The following DHX38 variants were observed in gnomAD, a reference collection of about 807,000 sequenced individuals.
The protein encoded by DHX38 is DEAH-box helicase 38, also known as pre-mRNA-splicing factor ATP-dependent RNA helicase PRP16.
Under a neutral mutation model 153.1 loss-of-function variants are expected in DHX38, and 100 were observed. That is an observed-to-expected ratio of 0.65 (90% CI 0.56 to 0.77). The LOEUF (loss-of-function observed/expected upper bound fraction) is 0.77, where lower values mean the gene tolerates loss of function less well. DHX38 is among the 30% of genes least tolerant of loss of function. DHX38 has a pLI of 0.00. For synonymous variants in DHX38, 650 were observed against 631.7 expected (o/e 1.03, Z -0.43); for missense variants, 1,440 against 1,654.0 (o/e 0.87, Z 2.24).
chr16:72,097,712 G>A lies in DHX38; in HGVS notation c.547G>A (p.Glu183Lys). Residue 183 changes from glutamate (E) to lysine (K), a missense_variant, in exon 4 of 27, where the codon GAG becomes AAG. This residue lies in a region of DHX38 where 483 missense variants were observed against 465.1 expected (regional missense o/e 1.04). Coordinates refer to ENST00000268482, the MANE Select transcript of DHX38 (RefSeq NM_014003.4). ...RDRSRHSSRSERDGGSERSSR... is the reference protein window; with the variant it reads ...RDRSRHSSRSKRDGGSERSSR... ...TAGAAGTAGGCACAGCAGCAGATCA[G>A]AGCGAGATGGAGGGTCAGAGCGTAG... The A allele has an allele frequency of 6.2e-7, 1 of 1,614,178 alleles. No homozygotes were observed. Among genetic ancestry groups the A allele is most frequent in the Middle Eastern group, 1.6e-4 (1 of 6,062 alleles).
chr16:72,101,826 C>T (rs1443487558), intron 11 of DHX38, among the ~76,000 whole-genome samples: 1 of 152,154 alleles, frequency 6.6e-6, no homozygotes, highest in Non-Finnish European at 1.5e-5. Context: ...ACACTGCTTC[C>T]TCTGGTGCTG....
chr16:72,096,020 C>A, intron 1 of DHX38, 119 bp from the exon 2 acceptor site: 1 of 1,057,308 alleles, frequency 9.5e-7, no homozygotes, highest in Non-Finnish European at 1.3e-6. Flanking sequence ...CAAAAGTAGT[C>A]CTGGTCTTAA....
At chr16:72,099,152 C>T (rs1241238139) in intron 6 of DHX38, 52 bp from the exon 7 acceptor site, 1 of 1,593,654 alleles carries the variant, frequency 6.3e-7, no homozygotes, top group African/African-American at 1.3e-5. Context: ...CTGTCTGGGG[C>T]CGCTGGGGAC....
rs1332831839 is a variant in DHX38 at position 72,107,868 on chromosome 16, C to T, written c.2964+69C>T. 1.3e-6 allele frequency: 2 copies of T among 1,558,800 alleles called. No homozygotes were observed. The highest frequency in any genetic ancestry group is 1.4e-5 in the African/African-American group (1 of 73,724). On this transcript the variant is annotated intron_variant, in intron 21 of 26. Transcript: ENST00000268482. The surrounding 1 kb of genome is among the most constrained non-coding windows in gnomAD (Gnocchi z 5.3). ...AGTGTTGGGGAGGGGAATGGCTTCTCTCTGTATTACTGAAATGGAACAGAG... is the reference window on the plus strand; with the variant it reads ...AGTGTTGGGGAGGGGAATGGCTTCTTTCTGTATTACTGAAATGGAACAGAG...
At chr16:72,100,676 A>C (rs2144144266) in intron 9 of DHX38, 79 bp downstream of exon 9, 2 of 1,560,894 alleles carry the variant, frequency 1.3e-6, no homozygotes, top group East Asian at 4.5e-5. Flanking sequence ...CATGCCTGTC[A>C]TCCCGGCACT....
rs1597440738 is a variant in DHX38, at chr16:72,099,729, C to T, written c.961-3C>T. ...CTCCCTTGCTTTGCCTCCTGCCCTGCAGCAAGCCGATCGGGATTGGTACAT... is the reference window on the plus strand; with the variant it reads ...CTCCCTTGCTTTGCCTCCTGCCCTGTAGCAAGCCGATCGGGATTGGTACAT... On this transcript the variant is annotated splice_polypyrimidine_tract_variant and splice_region_variant and intron_variant, in intron 7 of 26. Coordinates refer to ENST00000268482, the MANE Select transcript of DHX38 (RefSeq NM_014003.4). The T allele has an allele frequency of 1.2e-6, 2 of 1,614,022 alleles. No homozygotes were observed. The highest frequency in any genetic ancestry group is 4.5e-5 in the East Asian group (2 of 44,874).
chr16:72,102,457 C>T (rs544637258), intron 11 of DHX38, among the ~76,000 whole-genome samples: 5 of 151,858 alleles, frequency 3.3e-5, no homozygotes, highest in South Asian at 2.1e-4. Context: ...GTCTTTTTGC[C>T]AGGCAGCCTT....
In DHX38 at chr16:72,104,904, TGTG is replaced by T. The variant is rs759813614; in HGVS notation, c.2152-118_2152-116del. The T allele has an allele frequency of 6.2e-5, 60 of 970,660 alleles. 2 individuals carry two copies. The highest frequency in any genetic ancestry group is 4.0e-4 in the Admixed American group (16 of 40,190). 60.1% of individuals were successfully genotyped at this position (970,660 alleles called of 1,614,324 possible). ...CCTCGCAGTCAGGCCCATGTGGAGG[TGTG>T]GTGGCCCTCAAAGTCCATGGCTCCA... On this transcript the variant is annotated intron_variant, in intron 15 of 26. Coordinates refer to ENST00000268482, the MANE Select transcript of DHX38 (RefSeq NM_014003.4). This position sits in a 1 kb window ranked among gnomAD's most constrained non-coding sequence, Gnocchi z 4.5.
chr16:72,098,733 G>C lies in DHX38; in HGVS notation c.705G>C (p.Pro235=), dbSNP rs751675291. ...GCTCACAGTGGGAATCGCCCTCCCC[G>C]ACGCCTTCCTATCGGGATTCTGAGC... ...SRRSQWESPS[P]TPSYRDSERS... Residue 235 remains proline, a synonymous_variant, in exon 5 of 27, where the codon CCG becomes CCC. Transcript: ENST00000268482. 33 of 1,614,170 alleles carry C rather than the reference G, an allele frequency of 2.0e-5. No homozygotes were observed. The South Asian group carries it at 3.5e-4, about 17-fold the overall frequency.
chr16:72,107,030 G>A lies in DHX38; in HGVS notation c.2601-310G>A, dbSNP rs752990976. On this transcript the variant is annotated intron_variant, in intron 19 of 26. Transcript: ENST00000268482. This position sits in a 1 kb window ranked among gnomAD's most constrained non-coding sequence, Gnocchi z 5.3. ...CTAAAAATACAAAAATCAGCTGGGC[G>A]TGGTGGCGGATGCCTGTAGTCCCAG... Among the ~76,000 whole-genome samples, 12 of 152,122 alleles carry A rather than the reference G, an allele frequency of 7.9e-5. No homozygotes were observed. Among genetic ancestry groups the A allele is most frequent in the African/African-American group, 1.9e-4 (8 of 41,412 alleles).
At position 72,105,638 on chromosome 16, in the gene DHX38, T is replaced by C. The variant is rs42544; in HGVS notation, c.2487+14T>C. 0.97 allele frequency: 1,561,722 copies of C among 1,613,804 alleles called. 755,840 individuals carry two copies. The highest frequency in any genetic ancestry group is 1 in the East Asian group (44,845 of 44,852). On this transcript the variant is annotated intron_variant, in intron 18 of 26. Coordinates refer to ENST00000268482, the MANE Select transcript of DHX38 (RefSeq NM_014003.4). ...TGCAAATTAAAGGTAAGAGAAGACA[T>C]GGGAGGCAAGGCCTGGGTGTTCACC...
Position 72,098,987 on chromosome 16 carries a change from C to T in DHX38, c.825C>T (p.Asn275=), listed in dbSNP as rs746601930. 3.0e-5 allele frequency: 48 copies of T among 1,613,648 alleles called. No homozygotes were observed. The highest frequency in any genetic ancestry group is 3.7e-5 in the Non-Finnish European group (44 of 1,180,056). The part of the protein sequence containing the change: ...TPLPTPSYKY[N]EWADDRRHLG... ...TGCCAACTCCCTCCTACAAATATAA[C>T]GAGTGGGCCGATGACAGAAGACACT... Residue 275 remains asparagine (N), a synonymous_variant, in exon 6 of 27, where the codon AAC becomes AAT. Coordinates refer to ENST00000268482, the MANE Select transcript of DHX38 (RefSeq NM_014003.4).
chr16:72,096,008 A>G, intron 1 of DHX38, 131 bp from the exon 2 acceptor site: 1 of 927,192 alleles, frequency 1.1e-6, no homozygotes, highest in Non-Finnish European at 1.6e-6. Flanking sequence ...GGAGAGAGGG[A>G]GCAAAAGTAG....
rs185711792 is a variant in DHX38 at position 72,110,196 on chromosome 16, C to T, written c.3477+686C>T. ...GGAGCAGCCAGGTCATTTGTCCTGT[C>T]GAATAGTCCATATGATGTATTTGCC... On this transcript the variant is annotated intron_variant, in intron 25 of 26. Coordinates refer to ENST00000268482, the MANE Select transcript of DHX38 (RefSeq NM_014003.4). 7.2e-5 allele frequency among the ~76,000 whole-genome samples: 11 copies of T among 152,340 alleles called. No homozygotes were observed. In the East Asian group the frequency reaches 9.6e-4, roughly 13 times the overall value.
At chr16:72,098,253 T>C (rs2042048233) in intron 4 of DHX38, among the ~76,000 whole-genome samples, 1 of 151,924 alleles carries the variant, frequency 6.6e-6, no homozygotes, top group Non-Finnish European at 1.5e-5. Flanking sequence ...GCCAACATGG[T>C]GAAACCCCAT....
In DHX38 at chr16:72,099,888, G is replaced by T. The variant is rs1434143794; in HGVS notation, c.1116+1G>T. ...AGCTCAGCGGAGACAGATCAATGAGGTGAGGCTGCCTGCAGAAGTTGGAGC... is the reference window on the plus strand; with the variant it reads ...AGCTCAGCGGAGACAGATCAATGAGTTGAGGCTGCCTGCAGAAGTTGGAGC... On this transcript the variant is annotated splice_donor_variant, in intron 8 of 26. Coordinates refer to ENST00000268482, the MANE Select transcript of DHX38 (RefSeq NM_014003.4). LOFTEE classifies it high-confidence loss of function. The T allele has an allele frequency of 4.4e-6, 7 of 1,600,720 alleles. No homozygotes were observed. Among genetic ancestry groups the T allele is most frequent in the Non-Finnish European group, 6.0e-6 (7 of 1,173,450 alleles).
At position 72,103,092 on chromosome 16, in the gene DHX38, A is replaced by G; in HGVS notation, c.1518A>G (p.Ala506=). The G allele has an allele frequency of 1.9e-6, 3 of 1,614,230 alleles. No individual in the cohort carries two copies. Among genetic ancestry groups the G allele is most frequent in the Non-Finnish European group, 2.5e-6 (3 of 1,180,036 alleles). Reference sequence around the variant, plus strand: ...TTCCTAGGACAGAGCAGAAGTTTGCAGATCACATGAAGAGAAAGAGCGAAG... The same window carrying G: ...TTCCTAGGACAGAGCAGAAGTTTGCGGATCACATGAAGAGAAAGAGCGAAG... The part of the protein sequence containing the change: ...KVDYRTEQKF[A]DHMKRKSEAS... The change falls in exon 12 of 27, where the codon GCA becomes GCG. Residue 506 remains alanine, a synonymous_variant. Coordinates refer to ENST00000268482, the MANE Select transcript of DHX38 (RefSeq NM_014003.4).
intron 9 of DHX38, 42 bp from the exon 10 acceptor site, chr16:72,101,044 G>C (rs754719653): frequency 6.3e-7 from 1 of 1,590,638 alleles, no homozygotes; most frequent in South Asian, 1.1e-5. Context: ...TGGCCTTCTT[G>C]CTGATTTTAA....
chr16:72,099,653 G>A (rs1183124122), intron 7 of DHX38, 79 bp from the exon 8 acceptor site: 19 of 1,565,576 alleles, frequency 1.2e-5, no homozygotes, highest in African/African-American at 4.0e-5. Flanking sequence ...CCTACCAAGC[G>A]TCCCTTCTTC....
Sources: gnomAD v4.1 joint callset for allele counts (sites outside exome capture counted in the v4.1 genomes callset) on GRCh38, gnomAD v4.1.1 for gene constraint, gnomAD v4.1.1 regional missense constraint, Gnocchi (gnomAD v3.1) non-coding constraint, MANE v1.5 for transcripts, NCBI Gene and HGNC (gene_info 2026-07-23, HGNC 2026-07-21) for gene names.